MICB: variants seen among roughly 807,000 people sequenced by gnomAD.
MICB encodes the protein MHC class I antigen-related protein B.
Under a neutral mutation model 34.3 loss-of-function variants are expected in MICB, and 27 were observed. The observed-to-expected ratio is 0.79, with a 90% CI of 0.58 to 1.08. The LOEUF (loss-of-function observed/expected upper bound fraction) is 1.08, where lower values mean the gene tolerates loss of function less well. Among genes scored for constraint, MICB ranks in the 50% least tolerant of loss-of-function variants. MICB has a pLI of 0.00. For missense variants in MICB, 426 were observed against 483.1 expected (o/e 0.88, Z 1.11); for synonymous variants, 153 against 187.4 (o/e 0.82, Z 1.50).
At chr6:31,506,052 C>A in intron 2 of MICB, 91 bp from the exon 3 acceptor site, 1 of 1,502,798 alleles carries the variant, frequency 6.7e-7, no homozygotes, top group Non-Finnish European at 8.9e-7. Context: ...TGGAGGAGGG[C>A]CAGGGAGGGG....
At chr6:31,501,453 G>T (rs1045597467) in intron 1 of MICB, among the ~76,000 whole-genome samples, 1 of 152,090 alleles carries the variant, frequency 6.6e-6, no homozygotes, top group Non-Finnish European at 1.5e-5. Flanking sequence ...TCCCATTTAT[G>T]CATTTTTACT....
chr6:31,506,566 C>A, intron 3 of MICB, 136 bp downstream of exon 3: 1 of 964,608 alleles, frequency 1.0e-6, no homozygotes, highest in Non-Finnish European at 1.5e-6. Context: ...TCCTGATTTG[C>A]CTCTCCTGTT....
intron 1 of MICB, among the ~76,000 whole-genome samples, chr6:31,501,714 G>C (rs2516496): frequency 0.15 from 22,704 of 152,080 alleles, 1,892 homozygotes; most frequent in Admixed American, 0.24. Context: ...TGTGTTCTTG[G>C]TAACTTTGTT....
At chr6:31,505,516 C>A in intron 1 of MICB, 101 bp from the exon 2 acceptor site, 1 of 1,522,582 alleles carries the variant, frequency 6.6e-7, no homozygotes, top group Admixed American at 1.9e-5. Flanking sequence ...ATGCGCATTT[C>A]CTGCCTCCTC....
rs779511383 is a variant in MICB at position 31,506,370 on chromosome 6, G to C, written c.553G>C (p.Ala185Pro). 8.1e-6 allele frequency: 13 copies of C among 1,614,194 alleles called. 1 individual carries two copies. The highest frequency in any genetic ancestry group is 4.5e-5 in the East Asian group (2 of 44,876). The change falls in exon 3 of 6, where the codon GCA (alanine) becomes CCA (proline). Residue 185 changes from alanine to proline, a missense_variant. Coordinates refer to ENST00000252229, the MANE Select transcript of MICB (RefSeq NM_005931.5). ...KTKTHYRAMQ[A>P]DCLQKLQRYL... ...CAAGACACACTATCGCGCTATGCAGGCAGACTGCCTGCAGAAACTACAGCG... is the reference window on the plus strand; with the variant it reads ...CAAGACACACTATCGCGCTATGCAGCCAGACTGCCTGCAGAAACTACAGCG...
At position 31,507,046 on chromosome 6, in the gene MICB, G is replaced by A; in HGVS notation, c.638G>A (p.Cys213Tyr). ...RTVPPMVNVT[C>Y]SEVSEGNITV... ...GTGCCCCCCATGGTGAATGTCACCT[G>A]CAGCGAGGTCTCAGAGGGCAACATC... The change falls in exon 4 of 6, where the codon TGC becomes TAC. Residue 213 changes from cysteine (C) to tyrosine (Y), a missense_variant. By Grantham distance (194) the Cys-to-Tyr change is radical. Coordinates refer to ENST00000252229, the MANE Select transcript of MICB (RefSeq NM_005931.5). This position sits in a 1 kb window ranked among gnomAD's most constrained non-coding sequence, Gnocchi z 6.0. 6.2e-7 allele frequency: 1 copy of A among 1,613,810 alleles called. No homozygotes were observed. Among genetic ancestry groups the A allele is most frequent in the Non-Finnish European group, 8.5e-7 (1 of 1,179,768 alleles).
upstream of MICB, among the ~76,000 whole-genome samples, chr6:31,497,143 C>T (rs1582857630): frequency 5.9e-5 from 9 of 152,194 alleles, no homozygotes; most frequent in South Asian, 1.9e-3. Context: ...GAGGGGAAAG[C>T]CTAGACTAAG....
At chr6:31,498,689 G>C (rs1582862599) in intron 1 of MICB, 1 of 155,338 alleles carries the variant, frequency 6.4e-6, no homozygotes, top group African/African-American at 2.4e-5. Context: ...GGATGGTCTC[G>C]ATCTCCTGAC....
chr6:31,500,127 G>A (rs1764940292), intron 1 of MICB, among the ~76,000 whole-genome samples: 2 of 151,734 alleles, frequency 1.3e-5, no homozygotes, highest in Admixed American at 1.3e-4. Context: ...ACCCCAGTGG[G>A]CTCTCACTCC....
rs9279325 is a variant in MICB, at chr6:31,509,990, CAG to C, written c.*85_*86del. The C allele has an allele frequency of 0.75, 1,050,430 of 1,404,266 alleles. 396,157 individuals are homozygous for C. Among genetic ancestry groups the C allele is most frequent in the East Asian group, 0.88 (36,359 of 41,288 alleles). 87.0% of individuals were successfully genotyped at this position (1,404,266 alleles called of 1,614,324 possible). On this transcript the variant is annotated 3_prime_UTR_variant, in exon 6 of 6. Transcript: ENST00000252229. ...TCCCTCTGTTTCCTGACCTATGAAA[CAG>C]AGAAAATAACATCACTTATTTATTG...
rs1361575901 is a variant in MICB, at chr6:31,506,467, A to G, written c.613+37A>G. 3.8e-6 allele frequency: 6 copies of G among 1,597,688 alleles called. No homozygotes were observed. The South Asian group carries it at 5.6e-5, about 15-fold the overall frequency. ...GGCCAGGGGCTCTACTGTTCCCGCA[A>G]TTCTGCTAGAGTTGCCTCGCCTCCC... is the stretch of plus-strand genomic sequence containing the variant. On this transcript the variant is annotated intron_variant, in intron 3 of 5. Transcript: ENST00000252229.
upstream of MICB, among the ~76,000 whole-genome samples, chr6:31,497,113 G>C (rs1266391530): frequency 6.6e-6 from 1 of 152,208 alleles, no homozygotes; most frequent in East Asian, 1.9e-4. Flanking sequence ...GGAAGCCTGT[G>C]CAGTAATCCA....
In MICB at chr6:31,506,137, G is replaced by A. The variant is rs781113867; in HGVS notation, c.326-6G>A. On this transcript the variant is annotated splice_region_variant and splice_polypyrimidine_tract_variant and intron_variant, in intron 2 of 5. Coordinates refer to ENST00000252229, the MANE Select transcript of MICB (RefSeq NM_005931.5). Reference sequence around the variant, plus strand: ...GAATGGAGAAGTCACTGCTGGGTGGGGGCAGGCTTGCATTCCCTCCAGGAG... The same window carrying A: ...GAATGGAGAAGTCACTGCTGGGTGGAGGCAGGCTTGCATTCCCTCCAGGAG... The A allele has an allele frequency of 5.0e-6, 8 of 1,610,346 alleles. No homozygotes were observed. The highest frequency in any genetic ancestry group is 4.2e-6 in the Non-Finnish European group (5 of 1,177,868).
chr6:31,508,945 G>A (rs1765508448), intron 5 of MICB, among the ~76,000 whole-genome samples: 1 of 152,154 alleles, frequency 6.6e-6, no homozygotes, highest in African/African-American at 2.4e-5. Flanking sequence ...GTGGGCAGAG[G>A]CAGCCTCAGG....
chr6:31,500,917 G>A (rs1226817504), intron 1 of MICB, among the ~76,000 whole-genome samples: 2 of 152,110 alleles, frequency 1.3e-5, no homozygotes, highest in Non-Finnish European at 2.9e-5. Flanking sequence ...TTAATATACC[G>A]ATTTCCTTTC....
At chr6:31,505,361 G>C (rs1765244015) in intron 1 of MICB, among the ~76,000 whole-genome samples, 2 of 152,180 alleles carry the variant, frequency 1.3e-5, no homozygotes, top group African/African-American at 4.8e-5. Flanking sequence ...TTCCCTTAGG[G>C]GGCTTGTGGC....
rs200195711 is a variant in MICB at position 31,500,909 on chromosome 6, AAT to A, written c.70+2650_70+2651del. On this transcript the variant is annotated intron_variant, in intron 1 of 5. Transcript: ENST00000252229. ...AACATGGAAAAGTAGATAGCTCTTT[AAT>A]ATACCGATTTCCTTTCTTTTGGGTA... Among the ~76,000 whole-genome samples the A allele has an allele frequency of 7.2e-3, 1,099 of 152,320 alleles. 9 individuals carry two copies. The highest frequency in any genetic ancestry group is 0.024 in the Middle Eastern group (7 of 294).
intron 5 of MICB, 57 bp from the exon 6 acceptor site, chr6:31,509,725 G>A: frequency 6.7e-7 from 1 of 1,493,514 alleles, no homozygotes; most frequent in Non-Finnish European, 8.9e-7. Flanking sequence ...AAAGTCCTTA[G>A]GGAATAAACA....
At chr6:31,500,414 A>G (rs1397360412) in intron 1 of MICB, among the ~76,000 whole-genome samples, 1 of 152,190 alleles carries the variant, frequency 6.6e-6, no homozygotes. Flanking sequence ...TAAATGGGTT[A>G]TCTATCACAA....
Sources: gnomAD v4.1 joint callset for allele counts (sites outside exome capture counted in the v4.1 genomes callset) on GRCh38, gnomAD v4.1.1 for gene constraint, Gnocchi (gnomAD v3.1) non-coding constraint, MANE v1.5 for transcripts, NCBI Gene and HGNC (gene_info 2026-07-23, HGNC 2026-07-21) for gene names.